The following TCF7L1 variants were observed in gnomAD, a reference collection of about 807,000 sequenced individuals.
TCF7L1 encodes transcription factor 7-like 1.
Under a neutral mutation model 63.7 loss-of-function variants are expected in TCF7L1, and 18 were observed. The observed-to-expected ratio is 0.28, with a 90% CI of 0.20 to 0.42. The LOEUF is 0.42. Ranked by LOEUF, TCF7L1 falls within the 10% of genes least tolerant of loss-of-function variation. The pLI, the probability that TCF7L1 is intolerant of heterozygous loss-of-function variation, is 1.00. For synonymous variants in TCF7L1, 355 were observed against 340.9 expected, an observed-to-expected ratio of 1.04 and a Z score of -0.46; for missense variants, 654 against 779.3, an observed-to-expected ratio of 0.84 and a Z score of 1.91.
intron 3 of TCF7L1, among the ~76,000 whole-genome samples, chr2:85,227,062 G>C (rs896458141): frequency 2.2e-4 from 33 of 152,170 alleles, no homozygotes; most frequent in Non-Finnish European, 2.9e-5. Context: ...AGCGTACATA[G>C]AGTGGCTGAG....
chr2:85,274,305 A>G (rs1416828593), intron 3 of TCF7L1, among the ~76,000 whole-genome samples: 3 of 152,154 alleles, frequency 2.0e-5, no homozygotes, highest in Non-Finnish European at 4.4e-5. Flanking sequence ...AAGCAAGTTG[A>G]ACTTTGACAT....
chr2:85,161,621 AAC>A (rs1423553893), intron 3 of TCF7L1, among the ~76,000 whole-genome samples: 1 of 152,224 alleles, frequency 6.6e-6, no homozygotes, highest in Non-Finnish European at 1.5e-5. Flanking sequence ...GAGCCAGGTT[AAC>A]ACGTGAAGCT....
chr2:85,268,089 C>A (rs1681024144), intron 3 of TCF7L1, among the ~76,000 whole-genome samples: 1 of 152,106 alleles, frequency 6.6e-6, no homozygotes, highest in East Asian at 1.9e-4. Flanking sequence ...AAAATAGAAG[C>A]AGATATGATA....
chr2:85,300,444 CAG>C (rs1681941519), intron 4 of TCF7L1, among the ~76,000 whole-genome samples: 1 of 152,188 alleles, frequency 6.6e-6, no homozygotes, highest in African/African-American at 2.4e-5. Context: ...AGTAAGAAGA[CAG>C]TACTTTTTAA....
intron 3 of TCF7L1, among the ~76,000 whole-genome samples, chr2:85,193,143 C>T (rs1416032886): frequency 6.6e-6 from 1 of 152,142 alleles, no homozygotes; most frequent in African/African-American, 2.4e-5. Context: ...TTATGTAGAG[C>T]ACTCAGGCTA....
chr2:85,170,423 G>A (rs201891634), intron 3 of TCF7L1, among the ~76,000 whole-genome samples: 1 of 152,294 alleles, frequency 6.6e-6, no homozygotes, highest in Non-Finnish European at 1.5e-5. Context: ...GGAGCAAATA[G>A]CTATGCTCAG....
intron 3 of TCF7L1, among the ~76,000 whole-genome samples, chr2:85,229,598 T>TAG: frequency 1.3e-5 from 2 of 152,058 alleles, no homozygotes; most frequent in East Asian, 1.9e-4. Flanking sequence ...CTTGAGCTAC[T>TAG]AGAGAGAGAG....
At chr2:85,165,191 C>T (rs1447518954) in intron 3 of TCF7L1, among the ~76,000 whole-genome samples, 1 of 152,212 alleles carries the variant, frequency 6.6e-6, no homozygotes, top group Non-Finnish European at 1.5e-5. Context: ...GTGGAGATAA[C>T]TCTAGATTAC....
intron 3 of TCF7L1, among the ~76,000 whole-genome samples, chr2:85,150,589 T>TC (rs1677986594): frequency 6.6e-6 from 1 of 151,950 alleles, no homozygotes; most frequent in Non-Finnish European, 1.5e-5. Context: ...ACCTTGACTT[T>TC]TTTTTTTTTT....
chr2:85,305,481 G>A (rs1196502816), intron 8 of TCF7L1, 78 bp downstream of exon 8: 7 of 1,495,542 alleles, frequency 4.7e-6, no homozygotes, highest in African/African-American at 4.2e-5. Context: ...AGCAGCAAAT[G>A]TCATGTACTC....
At chr2:85,242,189 C>T (rs1037853121) in intron 3 of TCF7L1, among the ~76,000 whole-genome samples, 1 of 152,202 alleles carries the variant, frequency 6.6e-6, no homozygotes, top group African/African-American at 2.4e-5. Flanking sequence ...TTTGTGATCT[C>T]ATAATTCTTC....
At chr2:85,274,925 A>C (rs552746483) in intron 3 of TCF7L1, among the ~76,000 whole-genome samples, 2 of 152,120 alleles carry the variant, frequency 1.3e-5, no homozygotes, top group East Asian at 3.9e-4. Flanking sequence ...GGACACTCAC[A>C]CTTGAGTGTG....
At chr2:85,256,415 G>A (rs1255162591) in intron 3 of TCF7L1, among the ~76,000 whole-genome samples, 2 of 152,192 alleles carry the variant, frequency 1.3e-5, no homozygotes. Context: ...AAGGGAATGG[G>A]CAGAAGAGAA....
At chr2:85,212,245 T>C (rs750975171) in intron 3 of TCF7L1, among the ~76,000 whole-genome samples, 15 of 152,118 alleles carry the variant, frequency 9.9e-5, no homozygotes, top group Non-Finnish European at 1.9e-4. Flanking sequence ...CTGTGGTGTG[T>C]CTGGGCTGAG....
chr2:85,137,815 C>A (rs979913961), intron 3 of TCF7L1, among the ~76,000 whole-genome samples: 2 of 151,596 alleles, frequency 1.3e-5, no homozygotes. Flanking sequence ...ATCTCTTAAA[C>A]CCGGGAGGCA....
chr2:85,284,889 A>G (rs547707833), intron 4 of TCF7L1, among the ~76,000 whole-genome samples: 1 of 152,360 alleles, frequency 6.6e-6, no homozygotes, highest in South Asian at 2.1e-4. Flanking sequence ...CCTGCTACAT[A>G]GGGGATTTAA....
intron 3 of TCF7L1, among the ~76,000 whole-genome samples, chr2:85,193,058 G>A (rs560601537): frequency 3.3e-5 from 5 of 152,154 alleles, no homozygotes; most frequent in South Asian, 2.1e-4. Flanking sequence ...GAATTGTATC[G>A]ATACCTGGGA....
At chr2:85,159,512 A>G (rs1353062399) in intron 3 of TCF7L1, among the ~76,000 whole-genome samples, 2 of 152,208 alleles carry the variant, frequency 1.3e-5, no homozygotes, top group Non-Finnish European at 2.9e-5. Flanking sequence ...AAGGGCACAC[A>G]TTGGCTGCCT....
intron 3 of TCF7L1, among the ~76,000 whole-genome samples, chr2:85,265,150 A>G (rs1047284133): frequency 3.3e-5 from 5 of 152,172 alleles, no homozygotes; most frequent in Non-Finnish European, 7.3e-5. Context: ...GAAGAGTGTA[A>G]AAGAGACAGG....
Sources: gnomAD v4.1 joint callset for allele counts (sites outside exome capture counted in the v4.1 genomes callset) on GRCh38, gnomAD v4.1.1 for gene constraint, MANE v1.5 for transcripts, NCBI Gene and HGNC (gene_info 2026-07-23, HGNC 2026-07-21) for gene names.